The following FKBP5 variants were observed in gnomAD, a reference collection of about 807,000 sequenced individuals.
FKBP5 encodes the protein peptidyl-prolyl cis-trans isomerase FKBP5.
A neutral mutation model predicts 50.5 loss-of-function variants in FKBP5; 23 were observed. The observed-to-expected ratio is 0.46, with a 90% CI of 0.33 to 0.65. The LOEUF is 0.65. Among genes scored for constraint, FKBP5 ranks in the 30% least tolerant of loss-of-function variants. FKBP5 has a pLI of 0.02. For missense variants in FKBP5, 411 were observed against 553.1 expected (o/e 0.74, Z 2.58); for synonymous variants, 176 against 190.6 (o/e 0.92, Z 0.63).
chr6:35,691,469 G>A (rs141203278), upstream of FKBP5, among the ~76,000 whole-genome samples: 28 of 152,322 alleles, frequency 1.8e-4, no homozygotes, highest in Non-Finnish European at 3.8e-4. Flanking sequence ...TCACATGTCT[G>A]GGACCAGGCT....
rs35090133 is a variant in FKBP5, at chr6:35,657,055, C to CA, written c.-19-14213dup. On this transcript the variant is annotated intron_variant, in intron 1 of 10. Coordinates refer to ENST00000357266, the MANE Select transcript of FKBP5 (RefSeq NM_004117.4). ...TGAAACCCTGTCTCTACTAAAAATA[C>CA]AAAAAAAAAACTAGCCGGGAGTGGT... 1.2e-3 allele frequency among the ~76,000 whole-genome samples: 183 copies of CA among 148,742 alleles called. 1 individual carries two copies. Among genetic ancestry groups the CA allele is most frequent in the Admixed American group, 1.7e-3 (26 of 14,960 alleles).
At chr6:35,671,982 C>T (rs1449791192) in intron 1 of FKBP5, among the ~76,000 whole-genome samples, 3 of 152,098 alleles carry the variant, frequency 2.0e-5, no homozygotes. Context: ...CATTTTCCTG[C>T]CTCAGCCTCC....
chr6:35,631,174 T>TG (rs1764141868), intron 3 of FKBP5, among the ~76,000 whole-genome samples: 1 of 152,194 alleles, frequency 6.6e-6, no homozygotes, highest in South Asian at 2.1e-4. Context: ...AATAAGGATA[T>TG]GAAAAACTGA....
chr6:35,603,903 G>A (rs181573952), intron 5 of FKBP5, among the ~76,000 whole-genome samples: 199 of 151,572 alleles, frequency 1.3e-3, no homozygotes, highest in Non-Finnish European at 2.4e-3. Flanking sequence ...ATGGGGTTTC[G>A]CCATGTTGGC....
intron 3 of FKBP5, 103 bp downstream of exon 3, chr6:35,636,911 C>T (rs1046793331): frequency 2.6e-6 from 3 of 1,132,130 alleles, no homozygotes; most frequent in Non-Finnish European, 3.6e-6. Flanking sequence ...TACTACTACT[C>T]TAAAATTTCT....
chr6:35,593,711 C>T (rs1230517060), intron 6 of FKBP5, among the ~76,000 whole-genome samples: 1 of 152,058 alleles, frequency 6.6e-6, no homozygotes, highest in African/African-American at 2.4e-5. Context: ...TGCACCACCA[C>T]GCCCAGCTAA....
At chr6:35,714,620 C>T (rs962539323) in intron 2 of FKBP5, among the ~76,000 whole-genome samples, 14 of 150,230 alleles carry the variant, frequency 9.3e-5, no homozygotes, top group African/African-American at 2.9e-4. Flanking sequence ...AGTTTGAGAC[C>T]AGCCTGGCCA....
At chr6:35,671,578 C>T (rs1765388966) in intron 1 of FKBP5, among the ~76,000 whole-genome samples, 1 of 151,936 alleles carries the variant, frequency 6.6e-6, no homozygotes, top group African/African-American at 2.4e-5. Flanking sequence ...CCCTTTCTCT[C>T]TCAAGGTATC....
At chr6:35,727,006 T>A (rs573912901) in intron 1 of FKBP5, among the ~76,000 whole-genome samples, 2 of 152,166 alleles carry the variant, frequency 1.3e-5, no homozygotes. Flanking sequence ...CTGAGTGTGC[T>A]GGGCGTTCAG....
In FKBP5 at chr6:35,642,802, T is replaced by C. The variant is rs749287450; in HGVS notation, c.23A>G (p.Lys8Arg). Residue 8 changes from lysine to arginine, a missense_variant, in exon 2 of 11, where the codon AAG (lysine) becomes AGG (arginine). By Grantham distance (26) the Lys-to-Arg change is conservative (BLOSUM62 2). Transcript: ENST00000357266. MTTDEGA[K>R]NNEESPTATV... ...GGCTGTGGGGCTTTCTTCATTGTTC[T>C]TGGCACCTTCATCAGTAGTCATTGT... 2 of 1,614,016 alleles carry C rather than the reference T, an allele frequency of 1.2e-6. No homozygotes were observed. The highest frequency in any genetic ancestry group is 1.7e-6 in the Non-Finnish European group (2 of 1,179,952).
intron 4 of FKBP5, among the ~76,000 whole-genome samples, chr6:35,619,465 G>GA (rs1004646199): frequency 5.3e-5 from 8 of 152,102 alleles, no homozygotes; most frequent in Non-Finnish European, 1.5e-5. Context: ...GCAAAGATAG[G>GA]AAATACTAGG....
chr6:35,681,068 C>A (rs1765649829), intron 1 of FKBP5, among the ~76,000 whole-genome samples: 1 of 152,170 alleles, frequency 6.6e-6, no homozygotes, highest in Non-Finnish European at 1.5e-5. Context: ...GATTCTTTTT[C>A]TCATCATTAT....
intron 2 of FKBP5, among the ~76,000 whole-genome samples, chr6:35,701,533 A>G (rs4713915): frequency 0.77 from 115,912 of 151,246 alleles, 44,901 homozygotes; most frequent in African/African-American, 0.89. Context: ...GTGAGCCACC[A>G]CGCCCGGCCT....
At chr6:35,599,305 A>G (rs9296158) in intron 5 of FKBP5, among the ~76,000 whole-genome samples, 99,188 of 152,050 alleles carry the variant, frequency 0.65, 32,832 homozygotes, top group Non-Finnish European at 0.7. Flanking sequence ...CTCAATATCA[A>G]TATAGTCCAG....
At chr6:35,615,161 C>T (rs867508960) in intron 5 of FKBP5, among the ~76,000 whole-genome samples, 1 of 146,728 alleles carries the variant, frequency 6.8e-6, no homozygotes, top group Admixed American at 6.8e-5. Context: ...CAACTACACA[C>T]ACACACACAC....
At chr6:35,642,108 T>C (rs1296703916) in intron 2 of FKBP5, among the ~76,000 whole-genome samples, 2 of 152,178 alleles carry the variant, frequency 1.3e-5, no homozygotes, top group East Asian at 3.8e-4. Context: ...ATTAGCTAGC[T>C]TTAGTGTACT....
chr6:35,589,245 C>G (rs1392595377), intron 7 of FKBP5, among the ~76,000 whole-genome samples: 1 of 151,064 alleles, frequency 6.6e-6, no homozygotes, highest in East Asian at 2.0e-4. Context: ...TCACCTGTCT[C>G]AGCTTCCCGA....
At chr6:35,673,064 C>T (rs1405354761) in intron 1 of FKBP5, among the ~76,000 whole-genome samples, 1 of 151,938 alleles carries the variant, frequency 6.6e-6, no homozygotes, top group Non-Finnish European at 1.5e-5. Flanking sequence ...TGGGAATTAA[C>T]ATTATATAAG....
intron 1 of FKBP5, among the ~76,000 whole-genome samples, chr6:35,724,631 T>C (rs1007872641): frequency 6.6e-6 from 1 of 152,028 alleles, no homozygotes; most frequent in African/African-American, 2.4e-5. Context: ...TAATCCCAGC[T>C]ACTTGGGACG....
Sources: allele counts gnomAD v4.1 joint callset (sites outside exome capture counted in the v4.1 genomes callset), GRCh38; gene constraint gnomAD v4.1.1; transcripts MANE v1.5; gene names NCBI Gene and HGNC (gene_info 2026-07-23, HGNC 2026-07-21).